Variants in ANKFN1 observed in about 807,000 individuals in gnomAD.
The protein encoded by ANKFN1 is ankyrin repeat and fibronectin type III domain containing 1.
In ANKFN1, 74 loss-of-function variants were observed where a neutral mutation model predicts 108.7. The ratio of observed to expected loss-of-function variants is 0.68; its 90% CI spans 0.56 to 0.83. The LOEUF (loss-of-function observed/expected upper bound fraction) is 0.83, where lower values mean the gene tolerates loss of function less well. ANKFN1 is among the 40% of genes least tolerant of loss of function. ANKFN1 has a pLI of 0.00. For synonymous variants in ANKFN1, 547 were observed against 516.2 expected (o/e 1.06, Z -0.81); for missense variants, 1,505 against 1,382.3 (o/e 1.09, Z -1.41).
At chr17:56,419,726 A>G (rs1332905266) in intron 8 of ANKFN1, among the ~76,000 whole-genome samples, 1 of 151,608 alleles carries the variant, frequency 6.6e-6, no homozygotes, top group East Asian at 1.9e-4. Flanking sequence ...TAGTTACTCA[A>G]GACGGAGGAT....
intron 4 of ANKFN1, among the ~76,000 whole-genome samples, chr17:56,081,157 C>G (rs1259134990): frequency 3.0e-4 from 46 of 151,990 alleles, no homozygotes; most frequent in Non-Finnish European, 1.5e-5. Flanking sequence ...AGAAAGAATC[C>G]AACTGAGAGG....
intron 3 of ANKFN1, among the ~76,000 whole-genome samples, chr17:56,256,073 A>T (rs1012685584): frequency 1.3e-5 from 2 of 152,214 alleles, no homozygotes; most frequent in African/African-American, 4.8e-5. Context: ...AGAATGTATC[A>T]TGAGCTGAAC....
rs537374689 is a variant in ANKFN1 at position 56,067,098 on chromosome 17, A to G, written c.288+20773A>G. Among the ~76,000 whole-genome samples the G allele has an allele frequency of 5.3e-5, 8 of 152,284 alleles. No individual in the cohort carries two copies. The East Asian group carries it at 1.5e-3, about 29-fold the overall frequency. ...TGGCCACTCAGGAGGCTGAGGCAGG[A>G]GAATCAGCAGAACCCGGGAGGCAGA... is the stretch of plus-strand genomic sequence containing the variant. On this transcript the variant is annotated intron_variant, in intron 4 of 12. Transcript: ENST00000635860.
chr17:56,379,727 AT>A (rs967124430), intron 8 of ANKFN1, among the ~76,000 whole-genome samples: 4 of 152,092 alleles, frequency 2.6e-5, no homozygotes, highest in African/African-American at 9.7e-5. Context: ...CTATTGATGG[AT>A]GTTGGTTGTT....
At chr17:56,076,555 C>G (rs1266671716) in intron 4 of ANKFN1, among the ~76,000 whole-genome samples, 1 of 152,216 alleles carries the variant, frequency 6.6e-6, no homozygotes, top group Non-Finnish European at 1.5e-5. Context: ...ATTACCATCT[C>G]TAAATCCACA....
intron 5 of ANKFN1, among the ~76,000 whole-genome samples, chr17:56,352,493 C>A (rs974753852): frequency 1.8e-4 from 28 of 152,074 alleles, no homozygotes; most frequent in African/African-American, 6.8e-4. Context: ...GTGAAGATAC[C>A]AGATAGATGT....
intron 4 of ANKFN1, among the ~76,000 whole-genome samples, chr17:56,141,464 G>A (rs548605952): frequency 5.9e-5 from 9 of 152,292 alleles, no homozygotes; most frequent in African/African-American, 1.9e-4. Flanking sequence ...ATAAAGAATG[G>A]TCTAGCAATA....
chr17:56,443,321 G>A (rs138250097), intron 10 of ANKFN1, among the ~76,000 whole-genome samples: 44 of 152,166 alleles, frequency 2.9e-4, no homozygotes, highest in African/African-American at 1.0e-3. Context: ...AGTTAAGATC[G>A]CACCACTGCA....
At chr17:56,247,680 G>T (rs900276750) in intron 3 of ANKFN1, among the ~76,000 whole-genome samples, 1 of 152,106 alleles carries the variant, frequency 6.6e-6, no homozygotes, top group Non-Finnish European at 1.5e-5. Flanking sequence ...CATGTAACTA[G>T]AAAATGGAAG....
Position 56,440,316 on chromosome 17 carries a change from A to C in ANKFN1, c.911-11A>C. ...TCTTTCTCTCTCTCCCTGCCCCCCT[A>C]CTCCCTCCAGTGGAATGGAGTATGT... is the stretch of plus-strand genomic sequence containing the variant. On this transcript the variant is annotated splice_polypyrimidine_tract_variant and intron_variant, in intron 8 of 20. Transcript: ENST00000682825. 1.3e-6 allele frequency: 2 copies of C among 1,576,616 alleles called. No homozygotes were observed. Among genetic ancestry groups the C allele is most frequent in the Admixed American group, 3.4e-5 (2 of 59,432 alleles).
chr17:56,468,450 G>T (rs1009957632), intron 15 of ANKFN1, among the ~76,000 whole-genome samples: 2 of 151,494 alleles, frequency 1.3e-5, no homozygotes, highest in East Asian at 3.9e-4. Flanking sequence ...CCAGTGATAG[G>T]GATGAATTGT....
intron 2 of ANKFN1, among the ~76,000 whole-genome samples, chr17:56,226,557 TG>T (rs1916289351): frequency 6.6e-6 from 1 of 152,134 alleles, no homozygotes; most frequent in Non-Finnish European, 1.5e-5. Flanking sequence ...ATGAGGAATT[TG>T]GGACAAGGAT....
intron 4 of ANKFN1, among the ~76,000 whole-genome samples, chr17:56,143,451 C>T (rs1468259030): frequency 1.3e-5 from 2 of 152,200 alleles, no homozygotes; most frequent in African/African-American, 4.8e-5. Flanking sequence ...GAGCCCTTTC[C>T]TGACTCTCAC....
chr17:56,303,917 C>T (rs1011292567), intron 3 of ANKFN1, among the ~76,000 whole-genome samples: 6 of 147,198 alleles, frequency 4.1e-5, no homozygotes, highest in East Asian at 2.0e-4. Context: ...AGGATGGTCT[C>T]GATCTCCTGA....
At chr17:56,183,848 G>A (rs918195625) in intron 1 of ANKFN1, among the ~76,000 whole-genome samples, 1 of 152,176 alleles carries the variant, frequency 6.6e-6, no homozygotes, top group Non-Finnish European at 1.5e-5. Flanking sequence ...CACTTCAGCG[G>A]ATGAAGAAAC....
At chr17:56,344,450 C>T (rs2046043256) in intron 4 of ANKFN1, among the ~76,000 whole-genome samples, 1 of 151,956 alleles carries the variant, frequency 6.6e-6, no homozygotes, top group Non-Finnish European at 1.5e-5. Context: ...GAAAATACCA[C>T]CTTAGTCTTC....
chr17:56,144,479 C>T (rs966148976), intron 4 of ANKFN1, among the ~76,000 whole-genome samples: 1 of 152,160 alleles, frequency 6.6e-6, no homozygotes, highest in Admixed American at 6.5e-5. Context: ...ATCAGGTTTA[C>T]CCAGGAGATA....
chr17:56,410,677 C>T (rs114620288), intron 8 of ANKFN1, among the ~76,000 whole-genome samples: 3,197 of 152,206 alleles, frequency 0.021, 116 homozygotes, highest in African/African-American at 0.071. Context: ...ATCAACATCT[C>T]CCTTTCCCCA....
intron 1 of ANKFN1, among the ~76,000 whole-genome samples, chr17:56,169,306 C>G (rs1274077911): frequency 1.3e-5 from 2 of 151,934 alleles, no homozygotes; most frequent in African/African-American, 4.8e-5. Flanking sequence ...ACATCTCACT[C>G]AGTTGCCCAG....
Sources: allele counts gnomAD v4.1 joint callset (sites outside exome capture counted in the v4.1 genomes callset), GRCh38; gene constraint gnomAD v4.1.1; transcripts MANE v1.5; gene names NCBI Gene and HGNC (gene_info 2026-07-23, HGNC 2026-07-21).